Variants in BORCS5 observed in about 807,000 individuals in gnomAD.
BORCS5 encodes BLOC-1 related complex subunit 5, also known as BLOC-1-related complex subunit 5.
Under a neutral mutation model 22.1 loss-of-function variants are expected in BORCS5, and 17 were observed. The ratio of observed to expected loss-of-function variants is 0.77; its 90% CI spans 0.53 to 1.15. BORCS5 has a LOEUF of 1.15. BORCS5 is among the 50% of genes most tolerant of loss of function. The pLI is 0.00. For missense variants in BORCS5, 247 were observed against 253.2 expected (o/e 0.98, Z 0.17); for synonymous variants, 117 against 99.8 (o/e 1.17, Z -1.03).
At chr12:12,436,094 C>T (rs1427650651) in intron 3 of BORCS5, among the ~76,000 whole-genome samples, 2 of 152,124 alleles carry the variant, frequency 1.3e-5, no homozygotes, top group African/African-American at 4.8e-5. Context: ...TAAGTGTTAG[C>T]TATTATTAGT....
At chr12:12,381,282 G>A (rs918821888) in intron 2 of BORCS5, among the ~76,000 whole-genome samples, 4 of 151,302 alleles carry the variant, frequency 2.6e-5, no homozygotes, top group Admixed American at 2.6e-4. Flanking sequence ...GAAGTTCAGT[G>A]TATCAATATT....
chr12:12,406,302 GTGTGGAAA>G (rs1406510136), intron 2 of BORCS5, among the ~76,000 whole-genome samples: 2 of 152,212 alleles, frequency 1.3e-5, no homozygotes, highest in Non-Finnish European at 2.9e-5. Flanking sequence ...TAGACTTCGT[GTGTGGAAA>G]AGTTAGTTTT....
intron 3 of BORCS5, among the ~76,000 whole-genome samples, chr12:12,459,969 T>C (rs568965557): frequency 1.3e-5 from 2 of 152,236 alleles, no homozygotes; most frequent in Admixed American, 1.3e-4. Flanking sequence ...AATCAAGTAC[T>C]GTAAGTCTTC....
chr12:12,387,980 C>T (rs1461487738), intron 2 of BORCS5, among the ~76,000 whole-genome samples: 4 of 151,450 alleles, frequency 2.6e-5, no homozygotes, highest in Admixed American at 6.6e-5. Context: ...TCACAGTCAA[C>T]AGACACAGAA....
At chr12:12,425,331 A>G (rs780351972) in intron 2 of BORCS5, among the ~76,000 whole-genome samples, 17 of 152,206 alleles carry the variant, frequency 1.1e-4, no homozygotes, top group African/African-American at 2.2e-4. Context: ...CACCAGTGCA[A>G]TTATTTAGTT....
chr12:12,441,273 G>A (rs1356548513), intron 3 of BORCS5, among the ~76,000 whole-genome samples: 1 of 152,170 alleles, frequency 6.6e-6, no homozygotes, highest in African/African-American at 2.4e-5. Flanking sequence ...AGGGCAACTT[G>A]TATTTGCTCT....
At chr12:12,461,926 A>G (rs1034398535) in intron 3 of BORCS5, among the ~76,000 whole-genome samples, 3 of 152,186 alleles carry the variant, frequency 2.0e-5, no homozygotes, top group African/African-American at 7.2e-5. Flanking sequence ...TTATTCATTT[A>G]ATTTTTCTTA....
intron 3 of BORCS5, among the ~76,000 whole-genome samples, chr12:12,450,390 A>C (rs1942885016): frequency 6.6e-6 from 1 of 152,260 alleles, no homozygotes; most frequent in African/African-American, 2.4e-5. Context: ...AAGAGTACAA[A>C]ATGTACAGAC....
At chr12:12,410,183 T>TAGA (rs1165924934) in intron 2 of BORCS5, among the ~76,000 whole-genome samples, 2 of 152,248 alleles carry the variant, frequency 1.3e-5, no homozygotes, top group Non-Finnish European at 2.9e-5. Context: ...GGTTGCCTGT[T>TAGA]CACTCTGATG....
At chr12:12,405,753 C>T (rs990110498) in intron 2 of BORCS5, among the ~76,000 whole-genome samples, 1 of 152,168 alleles carries the variant, frequency 6.6e-6, no homozygotes, top group Non-Finnish European at 1.5e-5. Context: ...CATGTATTAT[C>T]AATTAATACT....
intron 2 of BORCS5, among the ~76,000 whole-genome samples, chr12:12,390,091 TA>T (rs1473032853): frequency 6.6e-6 from 1 of 152,168 alleles, no homozygotes; most frequent in African/African-American, 2.4e-5. Flanking sequence ...ATAGGCCTGC[TA>T]AAATCTTTTC....
At chr12:12,437,246 G>T (rs994645083) in intron 3 of BORCS5, among the ~76,000 whole-genome samples, 1 of 152,196 alleles carries the variant, frequency 6.6e-6, no homozygotes, top group Non-Finnish European at 1.5e-5. Context: ...GTTTTGTAAA[G>T]GGGAGTTCCC....
chr12:12,419,611 A>C (rs1426990830), intron 2 of BORCS5, among the ~76,000 whole-genome samples: 2 of 152,192 alleles, frequency 1.3e-5, no homozygotes, highest in Non-Finnish European at 2.9e-5. Context: ...ATCCTTGAGG[A>C]ATTGCCACAT....
chr12:12,465,305 G>A (rs1943179988), intron 3 of BORCS5, among the ~76,000 whole-genome samples: 1 of 152,058 alleles, frequency 6.6e-6, no homozygotes, highest in South Asian at 2.1e-4. Context: ...TACAAATAAC[G>A]CACATTCCCA....
At chr12:12,393,159 C>G (rs1049331073) in intron 2 of BORCS5, among the ~76,000 whole-genome samples, 1 of 152,038 alleles carries the variant, frequency 6.6e-6, no homozygotes, top group African/African-American at 2.4e-5. Flanking sequence ...TCCTTGAGCT[C>G]AGGAGGCAGA....
At chr12:12,409,446 T>C (rs1304291549) in intron 2 of BORCS5, among the ~76,000 whole-genome samples, 1 of 152,038 alleles carries the variant, frequency 6.6e-6, no homozygotes, top group Non-Finnish European at 1.5e-5. Context: ...ACACTTATTG[T>C]TCAATTCCCA....
At chr12:12,449,406 G>T (rs1942860684) in intron 3 of BORCS5, among the ~76,000 whole-genome samples, 1 of 152,148 alleles carries the variant, frequency 6.6e-6, no homozygotes, top group African/African-American at 2.4e-5. Flanking sequence ...TCTTTTCCTG[G>T]TTTGCTGCCA....
At chr12:12,458,559 ATTTCT>A (rs1328193479) in intron 3 of BORCS5, among the ~76,000 whole-genome samples, 4 of 137,220 alleles carry the variant, frequency 2.9e-5, no homozygotes, top group South Asian at 2.4e-4. Flanking sequence ...TTTTCATTTT[ATTTCT>A]TTTCTTTTCT....
rs1011385059 is a variant in BORCS5, at chr12:12,470,562, C to T, written c.*4786C>T. On this transcript the variant is annotated 3_prime_UTR_variant, in exon 4 of 4. Coordinates refer to ENST00000314565, the MANE Select transcript of BORCS5 (RefSeq NM_058169.6). ...TGATCTGAGATGGAACGGTTTCATC[C>T]AGAAACCATCCCCCTGCTTCCCTGT... Among the ~76,000 whole-genome samples the T allele has an allele frequency of 1.3e-5, 2 of 152,046 alleles. No homozygotes were observed. Among genetic ancestry groups the T allele is most frequent in the African/African-American group, 4.8e-5 (2 of 41,364 alleles).
Sources: gnomAD v4.1 joint callset for allele counts (sites outside exome capture counted in the v4.1 genomes callset) on GRCh38, gnomAD v4.1.1 for gene constraint, MANE v1.5 for transcripts, NCBI Gene and HGNC (gene_info 2026-07-23, HGNC 2026-07-21) for gene names.